Variants in ABCD3 observed in about 807,000 individuals in gnomAD.
ABCD3 encodes the protein ATP-binding cassette sub-family D member 3.
A neutral mutation model predicts 105.5 loss-of-function variants in ABCD3; 41 were observed. The ratio of observed to expected loss-of-function variants is 0.39; its 90% confidence interval spans 0.30 to 0.50. The LOEUF (loss-of-function observed/expected upper bound fraction) is 0.50. Among genes scored for constraint, ABCD3 ranks in the 20% least tolerant of loss-of-function variants. The probability of loss-of-function intolerance (pLI) is 0.84; values close to 1 mark genes in which losing one functional copy is unlikely to be tolerated. For synonymous variants in ABCD3, 258 were observed against 269.0 expected (o/e 0.96, Z 0.40); for missense variants, 622 against 806.3 (o/e 0.77, Z 2.77).
At chr1:94,438,378 T>C (rs989731151) in intron 1 of ABCD3, among the ~76,000 whole-genome samples, 10 of 150,784 alleles carry the variant, frequency 6.6e-5, no homozygotes, top group Non-Finnish European at 1.3e-4. Flanking sequence ...CTCTTATGCA[T>C]GAGCAAAGAA....
At chr1:94,482,656 T>G (rs1649085867) in intron 9 of ABCD3, 1 of 162,206 alleles carries the variant, frequency 6.2e-6, no homozygotes, top group Admixed American at 5.9e-5. Context: ...GTTGTGAGGA[T>G]ATGATGGGGT....
At chr1:94,514,816 C>T in intron 21 of ABCD3, 1 of 274,928 alleles carries the variant, frequency 3.6e-6, no homozygotes, top group Non-Finnish European at 7.0e-6. Flanking sequence ...TTAATTTTTC[C>T]TGATTTTGAC....
chr1:94,510,365 T>C, intron 21 of ABCD3, among the ~76,000 whole-genome samples: 1 of 152,212 alleles, frequency 6.6e-6, no homozygotes, highest in Non-Finnish European at 1.5e-5. Context: ...TAGTTTGTTA[T>C]AATTTCTGTT....
At chr1:94,405,903 TTTTTGGCATGCCAAAGTTTAGAA>T in the ABCD3 span, among the ~76,000 whole-genome samples, 709 of 152,206 alleles carry the variant, frequency 4.7e-3, 4 homozygotes, top group Non-Finnish European at 8.4e-3. Context: ...TTGCTTATGG[TTTTTGGCATGCCAAAGTTTAGAA>T]ATTTTTAAAA....
At chr1:94,391,367 T>G in the ABCD3 span, among the ~76,000 whole-genome samples, 9 of 152,294 alleles carry the variant, frequency 5.9e-5, no homozygotes, top group East Asian at 1.7e-3. Context: ...TCTGTCGCCC[T>G]CGTCAGAATG....
intron 20 of ABCD3, among the ~76,000 whole-genome samples, chr1:94,502,497 G>GTTT (rs34232258): frequency 7.6e-6 from 1 of 131,106 alleles, no homozygotes; most frequent in Non-Finnish European, 1.7e-5. Flanking sequence ...TGCCCCCCTA[G>GTTT]TTTTTTTTTT....
At chr1:94,434,980 T>C (rs1659844208) in intron 1 of ABCD3, among the ~76,000 whole-genome samples, 1 of 152,144 alleles carries the variant, frequency 6.6e-6, no homozygotes, top group Non-Finnish European at 1.5e-5. Flanking sequence ...TTTGTGGTTT[T>C]TTTTTTATCT....
At chr1:94,401,614 T>G in the ABCD3 span, among the ~76,000 whole-genome samples, 1 of 152,246 alleles carries the variant, frequency 6.6e-6, no homozygotes, top group Non-Finnish European at 1.5e-5. Flanking sequence ...ATAAGTTATT[T>G]TTTCTTTCAT....
chr1:94,466,746 C>A (rs1232294114), intron 3 of ABCD3, among the ~76,000 whole-genome samples: 2 of 152,170 alleles, frequency 1.3e-5, no homozygotes, highest in Admixed American at 6.5e-5. Context: ...ATGTTACCTT[C>A]CAATCAGTTA....
intron 20 of ABCD3, among the ~76,000 whole-genome samples, chr1:94,503,814 T>G (rs1398507129): frequency 1.3e-5 from 2 of 151,990 alleles, no homozygotes; most frequent in African/African-American, 4.8e-5. Flanking sequence ...TTTTTTTTTT[T>G]TTTTGAGGCA....
intron 8 of ABCD3, among the ~76,000 whole-genome samples, chr1:94,479,287 T>A (rs990032246): frequency 7.2e-5 from 11 of 152,174 alleles, no homozygotes; most frequent in African/African-American, 2.4e-4. Flanking sequence ...TTATGGTACT[T>A]AACTACATTT....
At chr1:94,453,753 T>C (rs1647389038) in intron 1 of ABCD3, among the ~76,000 whole-genome samples, 1 of 151,928 alleles carries the variant, frequency 6.6e-6, no homozygotes, top group African/African-American at 2.4e-5. Flanking sequence ...TTTTTTATTT[T>C]TTGTGTTTTT....
At chr1:94,423,706 G>A (rs757961553) in intron 1 of ABCD3, among the ~76,000 whole-genome samples, 28 of 152,088 alleles carry the variant, frequency 1.8e-4, no homozygotes, top group Admixed American at 1.6e-3. Flanking sequence ...TCCCACTGCT[G>A]GAAATTTCTT....
At chr1:94,488,726 A>G (rs1015498537) in intron 13 of ABCD3, among the ~76,000 whole-genome samples, 1 of 152,036 alleles carries the variant, frequency 6.6e-6, no homozygotes, top group Non-Finnish European at 1.5e-5. Flanking sequence ...TTTCATGAGA[A>G]TACTAACATT....
At chr1:94,391,913 G>A in the ABCD3 span, among the ~76,000 whole-genome samples, 1 of 152,190 alleles carries the variant, frequency 6.6e-6, no homozygotes, top group South Asian at 2.1e-4. Context: ...GTTGTGGGAG[G>A]AGACCAATCA....
Position 94,506,563 on chromosome 1 carries a change from C to T in ABCD3, c.1766C>T (p.Pro589Leu). Residue 589 changes from proline to leucine, a missense_variant, in exon 21 of 23, where the codon CCC becomes CTC. Coordinates refer to ENST00000370214, the MANE Select transcript of ABCD3 (RefSeq NM_002858.4). ...MAMARLFYHK[P>L]QFAILDECTS... The stretch of plus-strand genomic sequence containing the variant: ...ATGGCAAGATTATTTTATCATAAAC[C>T]CCAGTTTGCCATTTTGGATGAATGC... 6.2e-7 allele frequency: 1 copy of T among 1,612,508 alleles called. No homozygotes were observed. The highest frequency in any genetic ancestry group is 8.5e-7 in the Non-Finnish European group (1 of 1,179,116).
At chr1:94,510,164 C>A (rs553613938) in intron 21 of ABCD3, among the ~76,000 whole-genome samples, 1 of 151,958 alleles carries the variant, frequency 6.6e-6, no homozygotes, top group Non-Finnish European at 1.5e-5. Flanking sequence ...GCTTTGAATG[C>A]GTCCCAGAGA....
the ABCD3 span, among the ~76,000 whole-genome samples, chr1:94,392,032 T>G: frequency 1.3e-5 from 2 of 151,578 alleles, no homozygotes; most frequent in Non-Finnish European, 2.9e-5. Flanking sequence ...AAAGTTGGGG[T>G]TTTTTCTTTA....
intron 4 of ABCD3, among the ~76,000 whole-genome samples, chr1:94,471,868 T>C (rs1356503780): frequency 6.6e-6 from 1 of 152,166 alleles, no homozygotes; most frequent in African/African-American, 2.4e-5. Flanking sequence ...CATTTTAATA[T>C]CCTTTTCATA....
Sources: gnomAD v4.1 joint callset for allele counts (sites outside exome capture counted in the v4.1 genomes callset) on GRCh38, gnomAD v4.1.1 for gene constraint, MANE v1.5 for transcripts, NCBI Gene and HGNC (gene_info 2026-07-23, HGNC 2026-07-21) for gene names.